Variants in TMEM161A observed in about 807,000 individuals in gnomAD.
TMEM161A encodes transmembrane protein 161A, also known as adaptive response to oxidative stress protein 29.
In TMEM161A, 46 loss-of-function variants were observed where a neutral mutation model predicts 57.1. That is an observed-to-expected ratio of 0.81 (90% confidence interval 0.64 to 1.03). TMEM161A has a LOEUF of 1.03. TMEM161A is among the 50% of genes least tolerant of loss of function. TMEM161A has a pLI of 0.00. For missense variants in TMEM161A, 601 were observed against 621.5 expected (o/e 0.97, Z 0.35); for synonymous variants, 288 against 279.0 (o/e 1.03, Z -0.32).
intron 11 of TMEM161A, 58 bp from the exon 12 acceptor site, chr19:19,120,241 CAG>C: frequency 1.4e-6 from 2 of 1,434,154 alleles, no homozygotes; most frequent in Admixed American, 4.8e-5. Context: ...GGGCGAGGGA[CAG>C]GGCTGGCACG....
intron 6 of TMEM161A, among the ~76,000 whole-genome samples, chr19:19,128,242 T>C (rs2059940867): frequency 6.7e-6 from 1 of 149,226 alleles, no homozygotes; most frequent in African/African-American, 2.5e-5. Context: ...TTTTTTTTTT[T>C]TTTTTTTGAG....
chr19:19,137,851 T>G (rs1234025372), intron 1 of TMEM161A, among the ~76,000 whole-genome samples: 1 of 152,098 alleles, frequency 6.6e-6, no homozygotes, highest in African/African-American at 2.4e-5. Context: ...ACTCAATAGG[T>G]TGGACCCAGA....
Position 19,130,215 on chromosome 19 carries a change from A to G in TMEM161A, c.536T>C (p.Leu179Pro), listed in dbSNP as rs1213381350. The G allele has an allele frequency of 1.2e-6, 2 of 1,613,892 alleles. No homozygotes were observed. Among genetic ancestry groups the G allele is most frequent in the Non-Finnish European group, 1.7e-6 (2 of 1,180,048 alleles). ...VCLTFAFLFLLLAMLVQVVRE... is the reference protein window; with the variant it reads ...VCLTFAFLFLPLAMLVQVVRE... ...CACCACTTGCACCAGCATGGCCAGC[A>G]GCAGGAAGAGGAAGGCAAAGGTGAG... The change falls in exon 6 of 12, where the codon CTG becomes CCG. Residue 179 changes from leucine (L) to proline (P), a missense_variant. Leu to Pro is a moderately conservative substitution (Grantham distance 98). Coordinates refer to ENST00000162044, the MANE Select transcript of TMEM161A (RefSeq NM_017814.3).
At chr19:19,135,018 C>T in intron 1 of TMEM161A, 131 bp from the exon 2 acceptor site, 1 of 657,204 alleles carries the variant, frequency 1.5e-6, no homozygotes, top group South Asian at 1.8e-5. Context: ...GCTCTAGCGG[C>T]TTCTTAGGGG....
chr19:19,125,366 T>C (rs2059925702), intron 6 of TMEM161A, among the ~76,000 whole-genome samples: 1 of 152,182 alleles, frequency 6.6e-6, no homozygotes, highest in African/African-American at 2.4e-5. Context: ...TTATTGATTT[T>C]TAAGATGGAG....
At chr19:19,133,914 C>T (rs10420197) in intron 2 of TMEM161A, among the ~76,000 whole-genome samples, 3,265 of 152,144 alleles carry the variant, frequency 0.021, 114 homozygotes, top group African/African-American at 0.074. Flanking sequence ...GGATCACAGG[C>T]GTGAGCCACC....
At chr19:19,123,931 G>A (rs1360719055) in intron 6 of TMEM161A, among the ~76,000 whole-genome samples, 1 of 152,044 alleles carries the variant, frequency 6.6e-6, no homozygotes, top group Non-Finnish European at 1.5e-5. Flanking sequence ...ATGGTGGCGG[G>A]TAATACCAGC....
Position 19,120,775 on chromosome 19 carries a change from G to T in TMEM161A, c.1176C>A (p.Leu392=). 6.2e-7 allele frequency: 1 copy of T among 1,613,176 alleles called. No individual in the cohort carries two copies. The highest frequency in any genetic ancestry group is 1.1e-5 in the South Asian group (1 of 91,046). ...ACCGCGGCATCTCACCCAGCGTCTT[G>T]AGCAGAAGTGTGCAGTTGAGGGTGA... ...LILTLNCTLL[L]KTLGGYSWGL... The change falls in exon 11 of 12, where the codon CTC becomes CTA. Residue 392 remains leucine, a synonymous_variant. Coordinates refer to ENST00000162044, the MANE Select transcript of TMEM161A (RefSeq NM_017814.3).
At chr19:19,128,134 G>A (rs2059939984) in intron 6 of TMEM161A, among the ~76,000 whole-genome samples, 1 of 152,072 alleles carries the variant, frequency 6.6e-6, no homozygotes, top group Non-Finnish European at 1.5e-5. Flanking sequence ...GGAGGAACAG[G>A]GAGTTAGTGT....
chr19:19,130,059 C>T, intron 6 of TMEM161A, 97 bp downstream of exon 6: 2 of 1,435,414 alleles, frequency 1.4e-6, no homozygotes, highest in East Asian at 2.4e-5. Context: ...CACTCCTTTG[C>T]CTACTCGTGC....
intron 1 of TMEM161A, among the ~76,000 whole-genome samples, chr19:19,135,466 A>G (rs77104775): frequency 0.032 from 4,837 of 151,166 alleles, 98 homozygotes; most frequent in South Asian, 0.039. Flanking sequence ...TTTGTAATTA[A>G]CCTCCTTGAA....
At chr19:19,131,530 A>C (rs2146336028) in intron 5 of TMEM161A, among the ~76,000 whole-genome samples, 1 of 151,484 alleles carries the variant, frequency 6.6e-6, no homozygotes, top group African/African-American at 2.4e-5. Flanking sequence ...ACACACACAC[A>C]CAATTTTTTG....
At chr19:19,120,213 G>A in intron 11 of TMEM161A, 30 bp from the exon 12 acceptor site, 1 of 1,504,346 alleles carries the variant, frequency 6.6e-7, no homozygotes, top group Non-Finnish European at 8.9e-7. Flanking sequence ...CGAGGTATGA[G>A]TGGAAAAATG....
chr19:19,121,933 A>G lies in TMEM161A; in HGVS notation c.596-114T>C. ...CCGTTTGCTTCCCAAGTAGGAATGA[A>G]CAAGGGTCTGCCAGGCCCTGAGCCA... On this transcript the variant is annotated intron_variant, in intron 6 of 11. Transcript: ENST00000162044. The surrounding 1 kb of genome is among the most constrained non-coding windows in gnomAD (Gnocchi z 5.8). 8.2e-7 allele frequency: 1 copy of G among 1,220,892 alleles called. No individual in the cohort carries two copies. Among genetic ancestry groups the G allele is most frequent in the Non-Finnish European group, 1.2e-6 (1 of 867,788 alleles). The allele number at this position is 1,220,892 out of a possible 1,614,324, so 75.6% of individuals were successfully genotyped here. A position where few individuals can be genotyped will look rare whatever the true frequency, so the allele number is the denominator to read the frequency against.
At chr19:19,131,788 A>G (rs1448685471) in intron 5 of TMEM161A, among the ~76,000 whole-genome samples, 1 of 151,972 alleles carries the variant, frequency 6.6e-6, no homozygotes, top group Non-Finnish European at 1.5e-5. Context: ...GGCCTCCCAA[A>G]GTGCTGGGAT....
At chr19:19,129,932 T>C (rs2059949253) in intron 6 of TMEM161A, among the ~76,000 whole-genome samples, 1 of 151,748 alleles carries the variant, frequency 6.6e-6, no homozygotes, top group South Asian at 2.1e-4. Flanking sequence ...AAAAGAGCTA[T>C]AGCCATGAGT....
At chr19:19,123,210 G>A (rs887244899) in intron 6 of TMEM161A, among the ~76,000 whole-genome samples, 5 of 152,124 alleles carry the variant, frequency 3.3e-5, no homozygotes, top group Non-Finnish European at 7.4e-5. Flanking sequence ...AGAGCCCAAC[G>A]CAAATCAAAT....
Position 19,132,989 on chromosome 19 carries a change from C to T in TMEM161A, c.188+141G>A, listed in dbSNP as rs2059965963. 2.6e-6 allele frequency: 2 copies of T among 782,834 alleles called. No homozygotes were observed. The highest frequency in any genetic ancestry group is 1.8e-5 in the African/African-American group (1 of 57,078). 48.5% of individuals were successfully genotyped at this position (782,834 alleles called of 1,614,324 possible). On this transcript the variant is annotated intron_variant, in intron 3 of 11. Transcript: ENST00000162044. The surrounding 1 kb of genome is among the most constrained non-coding windows in gnomAD (Gnocchi z 4.3). ...CTCCTTGGACTAGGGTCTCCCGGTT[C>T]ACCTGTGCCCAGATCAGCGCCTGGA...
At position 19,133,322 on chromosome 19, in the gene TMEM161A, A is replaced by C. The variant is rs746361605; in HGVS notation, c.108-112T>G. 15 of 905,306 alleles carry C rather than the reference A, an allele frequency of 1.7e-5. No individual in the cohort carries two copies. In the Admixed American group the frequency reaches 1.8e-4, roughly 11 times the overall value. The allele number at this position is 905,306 out of a possible 1,614,324, so 56.1% of individuals were successfully genotyped here. ...AGAGGGTAGCCTAGGCCAGGGGAAC[A>C]CTGGGAGGTAGGTGAGGGTACAGCA... On this transcript the variant is annotated intron_variant, in intron 2 of 11. Coordinates refer to ENST00000162044, the MANE Select transcript of TMEM161A (RefSeq NM_017814.3).
Sources: allele counts gnomAD v4.1 joint callset (sites outside exome capture counted in the v4.1 genomes callset), GRCh38; gene constraint gnomAD v4.1.1; non-coding constraint Gnocchi (gnomAD v3.1); transcripts MANE v1.5; gene names NCBI Gene and HGNC (gene_info 2026-07-23, HGNC 2026-07-21).